Variants in MEMO1 observed in about 807,000 individuals in gnomAD.
The protein encoded by MEMO1 is protein MEMO1.
In MEMO1, 6 loss-of-function variants were observed where a neutral mutation model predicts 45.2. That is an observed-to-expected ratio of 0.13 (90% CI 0.07 to 0.26). The LOEUF (loss-of-function observed/expected upper bound fraction) is 0.26. Among genes scored for constraint, MEMO1 ranks in the 10% least tolerant of loss-of-function variants. The pLI is 1.00. For missense variants in MEMO1, 184 were observed against 370.5 expected, an observed-to-expected ratio of 0.50 and a Z score of 4.13; for synonymous variants, 78 against 124.3, an observed-to-expected ratio of 0.63 and a Z score of 2.48.
chr2:31,965,319 G>A (rs997714405), intron 2 of MEMO1, among the ~76,000 whole-genome samples: 2 of 151,956 alleles, frequency 1.3e-5, no homozygotes, highest in African/African-American at 4.8e-5. Flanking sequence ...GAGGGACGGA[G>A]GGAGGAAGAG....
Position 31,959,996 on chromosome 2 carries a change from C to T in MEMO1, c.62-16613G>A, listed in dbSNP as rs192403099. The stretch of plus-strand genomic sequence containing the variant: ...CAGCACTTTGGGAGTCCCAGGAGGG[C>T]GGATCACTTGAGGCCAGGAGTTCAA... On this transcript the variant is annotated intron_variant, in intron 2 of 9. Coordinates refer to ENST00000404530, the MANE Select transcript of MEMO1 (RefSeq NM_001301833.4). Among the ~76,000 whole-genome samples the T allele has an allele frequency of 1.1e-3, 174 of 152,208 alleles. 1 individual carries two copies. Among genetic ancestry groups the T allele is most frequent in the African/African-American group, 4.1e-3 (172 of 41,538 alleles).
intron 2 of MEMO1, among the ~76,000 whole-genome samples, chr2:32,002,716 T>C (rs1362627954): frequency 6.6e-6 from 1 of 152,158 alleles, no homozygotes; most frequent in African/African-American, 2.4e-5. Context: ...ATACGTAATA[T>C]ACCTATGAAA....
At chr2:31,886,018 G>T (rs1482019084) in intron 7 of MEMO1, among the ~76,000 whole-genome samples, 3 of 152,118 alleles carry the variant, frequency 2.0e-5, no homozygotes, top group Non-Finnish European at 2.9e-5. Context: ...GAAAAAAAGA[G>T]GAAATGTTTG....
At position 31,885,616 on chromosome 2, in the gene MEMO1, C is replaced by G. The variant is rs146277420; in HGVS notation, c.581-2154G>C. Among the ~76,000 whole-genome samples, 655 of 152,290 alleles carry G rather than the reference C, an allele frequency of 4.3e-3. 2 individuals are homozygous for G. The highest frequency in any genetic ancestry group is 0.012 in the African/African-American group (503 of 41,570). ...TTAGACAAGAATATTCTGACTCACT[C>G]TCACTATAAGAACAATATTCTTGGA... On this transcript the variant is annotated intron_variant, in intron 7 of 9. Coordinates refer to ENST00000404530, the MANE Select transcript of MEMO1 (RefSeq NM_001301833.4).
In MEMO1 at chr2:31,962,093, T is replaced by C. The variant is rs541391942; in HGVS notation, c.62-18710A>G. 7.2e-5 allele frequency among the ~76,000 whole-genome samples: 11 copies of C among 152,148 alleles called. No individual in the cohort carries two copies. The South Asian group carries it at 1.7e-3, about 23-fold the overall frequency. On this transcript the variant is annotated intron_variant, in intron 2 of 9. Coordinates refer to ENST00000404530, the MANE Select transcript of MEMO1 (RefSeq NM_001301833.4). ...ATACTAAGAGGTAAAATTGTTCAGG[T>C]TGATACAAAGAATGGCCAGGAATGG...
Position 32,002,286 on chromosome 2 carries a change from T to TATATAC in MEMO1, c.61+7895_61+7900dup, listed in dbSNP as rs528237154. Among the ~76,000 whole-genome samples, 575 of 147,058 alleles carry TATATAC rather than the reference T, an allele frequency of 3.9e-3. 8 individuals carry two copies. Among genetic ancestry groups the TATATAC allele is most frequent in the African/African-American group, 0.014 (563 of 40,284 alleles). ...ATACATACACATATATACATGTACA[T>TATATAC]ATATACATATACATATACATATATA... On this transcript the variant is annotated intron_variant, in intron 2 of 9. Coordinates refer to ENST00000404530, the MANE Select transcript of MEMO1 (RefSeq NM_001301833.4).
chr2:31,916,610 C>A (rs576482599), intron 6 of MEMO1, among the ~76,000 whole-genome samples: 1 of 152,276 alleles, frequency 6.6e-6, no homozygotes, highest in East Asian at 1.9e-4. Context: ...ATTCAATTGT[C>A]TTTTCCGGTT....
intron 6 of MEMO1, among the ~76,000 whole-genome samples, chr2:31,914,796 A>G (rs1283774059): frequency 6.6e-6 from 1 of 151,498 alleles, no homozygotes; most frequent in Non-Finnish European, 1.5e-5. Context: ...TCTTAAAAAA[A>G]AAGTTTTTAA....
intron 2 of MEMO1, among the ~76,000 whole-genome samples, chr2:31,946,579 G>A (rs1001253062): frequency 1.3e-5 from 2 of 152,052 alleles, no homozygotes; most frequent in African/African-American, 2.4e-5. Flanking sequence ...TGACAACACC[G>A]GGCCAGGCGC....
At chr2:31,931,285 G>C (rs555956823) in intron 4 of MEMO1, among the ~76,000 whole-genome samples, 1 of 152,218 alleles carries the variant, frequency 6.6e-6, no homozygotes, top group African/African-American at 2.4e-5. Context: ...ATTAAATCAT[G>C]GCTGCTATGA....
intron 2 of MEMO1, among the ~76,000 whole-genome samples, chr2:31,988,564 T>G (rs1221856916): frequency 6.6e-6 from 1 of 151,942 alleles, no homozygotes; most frequent in African/African-American, 2.4e-5. Flanking sequence ...TAAAAAAAAT[T>G]TAAAAAGTAA....
At chr2:31,933,339 AAAAAAAAAAATT>A (rs1179359374) in intron 3 of MEMO1, among the ~76,000 whole-genome samples, 7 of 66,782 alleles carry the variant, frequency 1.0e-4, no homozygotes, top group African/African-American at 4.6e-4. Context: ...AAAAAAAAAA[AAAAAAAAAAATT>A]TATATATATA....
rs200842367 is a variant in MEMO1 at position 31,887,883 on chromosome 2, T to C, written c.580+4109A>G. Among the ~76,000 whole-genome samples, 429 of 152,224 alleles carry C rather than the reference T, an allele frequency of 2.8e-3. 5 individuals are homozygous for C. The highest frequency in any genetic ancestry group is 4.1e-3 in the Non-Finnish European group (276 of 67,984). ...AAGAGACTGACAGAAAGGAAGAGTA[T>C]GCATGAATAATCACATTAATATACA... On this transcript the variant is annotated intron_variant, in intron 7 of 9. Coordinates refer to ENST00000404530, the MANE Select transcript of MEMO1 (RefSeq NM_001301833.4).
intron 2 of MEMO1, among the ~76,000 whole-genome samples, chr2:31,975,033 G>A (rs1398595027): frequency 2.0e-5 from 3 of 150,778 alleles, no homozygotes; most frequent in South Asian, 2.1e-4. Flanking sequence ...TCAGCTGGAC[G>A]TGGTGGCAGG....
At chr2:31,889,145 G>C (rs542575040) in intron 7 of MEMO1, among the ~76,000 whole-genome samples, 1 of 152,064 alleles carries the variant, frequency 6.6e-6, no homozygotes, top group Non-Finnish European at 1.5e-5. Context: ...ACAATATAGA[G>C]AGAACCAATG....
intron 8 of MEMO1, among the ~76,000 whole-genome samples, chr2:31,872,046 A>ACACACACAC (rs1201756598): frequency 9.4e-5 from 2 of 21,388 alleles, no homozygotes; most frequent in South Asian, 1.5e-3. Flanking sequence ...CACACACACA[A>ACACACACAC]AGTTAAACCT....
At chr2:31,986,271 G>A (rs1038799039) in intron 2 of MEMO1, among the ~76,000 whole-genome samples, 4 of 151,830 alleles carry the variant, frequency 2.6e-5, no homozygotes, top group African/African-American at 9.7e-5. Flanking sequence ...TGGTGGCAGG[G>A]GCCTGTAGTC....
chr2:31,971,479 T>C (rs959800201), intron 2 of MEMO1, among the ~76,000 whole-genome samples: 28 of 152,126 alleles, frequency 1.8e-4, no homozygotes, highest in Admixed American at 9.8e-4. Context: ...ATCCTCCTAT[T>C]GTGGCCTCCC....
chr2:31,916,409 A>G (rs1231106100), intron 6 of MEMO1, among the ~76,000 whole-genome samples: 2 of 152,154 alleles, frequency 1.3e-5, no homozygotes, highest in African/African-American at 4.8e-5. Context: ...TTCTATTTTT[A>G]GTAGAGACAG....
Sources: allele counts gnomAD v4.1 joint callset (sites outside exome capture counted in the v4.1 genomes callset), GRCh38; gene constraint gnomAD v4.1.1; transcripts MANE v1.5; gene names NCBI Gene and HGNC (gene_info 2026-07-23, HGNC 2026-07-21).